DAB1: variants seen among roughly 807,000 people sequenced by gnomAD.
DAB1 encodes disabled homolog 1.
Under a neutral mutation model 64.6 loss-of-function variants are expected in DAB1, and 15 were observed. The ratio of observed to expected loss-of-function variants is 0.23; its 90% CI spans 0.16 to 0.36. The LOEUF is 0.36. DAB1 is among the 10% of genes least tolerant of loss of function. The pLI is 1.00. For missense variants in DAB1, 596 were observed against 706.7 expected, an observed-to-expected ratio of 0.84 and a Z score of 1.78; for synonymous variants, 235 against 251.9, an observed-to-expected ratio of 0.93 and a Z score of 0.64.
intron 5 of DAB1, among the ~76,000 whole-genome samples, chr1:57,946,156 C>T (rs931298645): frequency 1.3e-5 from 2 of 152,160 alleles, no homozygotes; most frequent in African/African-American, 2.4e-5. Context: ...CCACTGTTTT[C>T]CACCTCCCAG....
At chr1:58,054,103 A>G (rs1049722217) in intron 5 of DAB1, among the ~76,000 whole-genome samples, 3 of 152,252 alleles carry the variant, frequency 2.0e-5, no homozygotes, top group Non-Finnish European at 2.9e-5. Flanking sequence ...TTGCATCACA[A>G]TTCTAGGAGT....
At chr1:58,004,328 A>C (rs1646549430) in intron 5 of DAB1, among the ~76,000 whole-genome samples, 1 of 152,184 alleles carries the variant, frequency 6.6e-6, no homozygotes, top group Non-Finnish European at 1.5e-5. Flanking sequence ...TGGCAGAGCT[A>C]TTTAAATGCA....
intron 1 of DAB1, among the ~76,000 whole-genome samples, chr1:57,328,227 G>T (rs907826405): frequency 6.6e-6 from 1 of 152,166 alleles, no homozygotes; most frequent in Non-Finnish European, 1.5e-5. Context: ...GAGGCAAAGA[G>T]AAAAGCCTAC....
intron 1 of DAB1, among the ~76,000 whole-genome samples, chr1:57,302,996 G>A (rs1202703996): frequency 1.3e-5 from 2 of 152,214 alleles, no homozygotes; most frequent in Non-Finnish European, 2.9e-5. Flanking sequence ...CACATAAAAT[G>A]TTTATCTCAC....
intron 7 of DAB1, among the ~76,000 whole-genome samples, chr1:57,635,773 G>A (rs1646045020): frequency 6.6e-6 from 1 of 152,060 alleles, no homozygotes; most frequent in South Asian, 2.1e-4. Flanking sequence ...TGCCAAAATG[G>A]TTGGGGACCG....
intron 6 of DAB1, among the ~76,000 whole-genome samples, chr1:57,717,608 T>C (rs1214152342): frequency 6.6e-6 from 1 of 152,172 alleles, no homozygotes; most frequent in African/African-American, 2.4e-5. Flanking sequence ...TTTGAAGAGA[T>C]ATCTGCACCT....
intron 5 of DAB1, among the ~76,000 whole-genome samples, chr1:57,967,632 C>T (rs930794704): frequency 1.3e-5 from 2 of 152,200 alleles, no homozygotes; most frequent in Non-Finnish European, 2.9e-5. Flanking sequence ...GCTCTAGAAT[C>T]TAACTGGGTT....
At chr1:57,803,638 G>A in intron 6 of DAB1, among the ~76,000 whole-genome samples, 1 of 152,204 alleles carries the variant, frequency 6.6e-6, no homozygotes, top group African/African-American at 2.4e-5. Context: ...AACATTAAGA[G>A]CCCACGATGA....
At chr1:58,519,178 G>C (rs747407671) in intron 2 of DAB1, among the ~76,000 whole-genome samples, 2 of 152,156 alleles carry the variant, frequency 1.3e-5, no homozygotes, top group Non-Finnish European at 2.9e-5. Context: ...ACAATGAATG[G>C]GAAAACCCTA....
intron 2 of DAB1, among the ~76,000 whole-genome samples, chr1:57,177,831 G>GGC (rs1557873810): frequency 2.6e-5 from 4 of 152,060 alleles, no homozygotes; most frequent in African/African-American, 9.7e-5. Context: ...AGCTATATCA[G>GGC]ATCTTTGGAT....
At position 58,534,439 on chromosome 1, in the gene DAB1, T is replaced by C. The variant is rs147682925; in HGVS notation, n.33-7104A>G. The C allele has an allele frequency of 7.8e-3, 4,589 of 586,030 alleles. 27 individuals are homozygous for C. The highest frequency in any genetic ancestry group is 9.6e-3 in the Middle Eastern group (21 of 2,186). The allele number at this position is 586,030 out of a possible 1,614,324, so 36.3% of individuals were successfully genotyped here. A position where few individuals can be genotyped will look rare whatever the true frequency, so the allele number is the denominator to read the frequency against. ...TATTATTGAACATTTTAAGTTTTAA[T>C]TATATAAAAATCTGCATATATTAAG... On this transcript the variant is annotated intron_variant and non_coding_transcript_variant, in intron 1 of 20. Transcript: ENST00000485760.
intron 3 of DAB1, among the ~76,000 whole-genome samples, chr1:58,348,186 C>T (rs1644019586): frequency 6.6e-6 from 1 of 152,116 alleles, no homozygotes; most frequent in Non-Finnish European, 1.5e-5. Flanking sequence ...CTGGCAAATA[C>T]ACCTCCTAAC....
chr1:57,724,394 A>C (rs1647184751), intron 6 of DAB1, among the ~76,000 whole-genome samples: 1 of 151,918 alleles, frequency 6.6e-6, no homozygotes, highest in Admixed American at 6.6e-5. Context: ...GGACAGAGGA[A>C]GTCCTCAGAG....
intron 1 of DAB1, among the ~76,000 whole-genome samples, chr1:57,881,992 A>C (rs888652568): frequency 6.6e-6 from 1 of 152,210 alleles, no homozygotes; most frequent in Non-Finnish European, 1.5e-5. Flanking sequence ...TCCCCACAGA[A>C]ATATTCAGGA....
intron 7 of DAB1, among the ~76,000 whole-genome samples, chr1:57,500,833 C>A (rs1307424060): frequency 6.6e-6 from 1 of 152,140 alleles, no homozygotes; most frequent in Non-Finnish European, 1.5e-5. Flanking sequence ...CCTAAGAAAG[C>A]AGAGGTAGTG....
intron 1 of DAB1, among the ~76,000 whole-genome samples, chr1:57,311,295 G>A (rs925070194): frequency 5.3e-5 from 8 of 152,166 alleles, no homozygotes; most frequent in African/African-American, 1.9e-4. Flanking sequence ...AGCTCAATCT[G>A]AAGGTGGCAA....
rs34013651 is a variant in DAB1 at position 58,073,535 on chromosome 1, T to C, written n.387+76976A>G. On this transcript the variant is annotated intron_variant and non_coding_transcript_variant, in intron 5 of 20. Transcript: ENST00000485760. ...AAGCCTAAGACTATGTCTGGTAGAA[T>C]ACAGTCTTCTGAAACATAGTAAGTC... is the stretch of plus-strand genomic sequence containing the variant. 2.7e-3 allele frequency among the ~76,000 whole-genome samples: 405 copies of C among 152,326 alleles called. 1 individual carries two copies. Among genetic ancestry groups the C allele is most frequent in the Non-Finnish European group, 4.7e-3 (323 of 68,014 alleles).
chr1:58,240,955 C>A (rs1174554031), intron 4 of DAB1, among the ~76,000 whole-genome samples: 1 of 152,082 alleles, frequency 6.6e-6, no homozygotes, highest in African/African-American at 2.4e-5. Context: ...CATGATAACA[C>A]AATCTGACAG....
At chr1:57,509,838 G>A (rs192941997) in intron 7 of DAB1, among the ~76,000 whole-genome samples, 25 of 152,118 alleles carry the variant, frequency 1.6e-4, no homozygotes, top group African/African-American at 4.1e-4. Context: ...CAACTGTGTC[G>A]TTATAGTTCC....
Sources: allele counts gnomAD v4.1 joint callset (sites outside exome capture counted in the v4.1 genomes callset), GRCh38; gene constraint gnomAD v4.1.1; transcripts MANE v1.5; gene names NCBI Gene and HGNC (gene_info 2026-07-23, HGNC 2026-07-21).